Variants in NALF1 observed in about 807,000 individuals in gnomAD.
The protein encoded by NALF1 is family with sequence similarity 155 member A.
Under a neutral mutation model 48.4 loss-of-function variants are expected in NALF1, and 3 were observed. The ratio of observed to expected loss-of-function variants is 0.06; its 90% confidence interval spans 0.03 to 0.16. The LOEUF is 0.16. Among genes scored for constraint, NALF1 ranks in the 10% least tolerant of loss-of-function variants. NALF1 has a pLI of 1.00. For synonymous variants in NALF1, 262 were observed against 245.7 expected (o/e 1.07, Z -0.62); for missense variants, 526 against 571.5 (o/e 0.92, Z 0.81).
At chr13:107,676,438 T>A (rs1881124936) in intron 1 of NALF1, among the ~76,000 whole-genome samples, 2 of 152,104 alleles carry the variant, frequency 1.3e-5, no homozygotes, top group Non-Finnish European at 2.9e-5. Context: ...TATAAAAATA[T>A]GTGGCATATT....
intron 1 of NALF1, among the ~76,000 whole-genome samples, chr13:107,227,003 T>C (rs949554867): frequency 3.3e-5 from 5 of 152,260 alleles, no homozygotes; most frequent in Admixed American, 3.3e-4. Context: ...ATACATATTG[T>C]ATCCAGACAT....
chr13:107,435,789 G>C (rs1417130042), intron 1 of NALF1, among the ~76,000 whole-genome samples: 1 of 151,708 alleles, frequency 6.6e-6, no homozygotes, highest in Non-Finnish European at 1.5e-5. Flanking sequence ...GGGAAGGAAA[G>C]CGGCGGGGGA....
chr13:107,632,101 T>C (rs1879851077), intron 1 of NALF1, among the ~76,000 whole-genome samples: 1 of 152,166 alleles, frequency 6.6e-6, no homozygotes, highest in South Asian at 2.1e-4. Context: ...CATCTTTGCA[T>C]ATGCTATTTA....
At position 107,169,012 on chromosome 13, in the gene NALF1, GC is replaced by G. The variant is rs1169592676; in HGVS notation, c.*1484del. On this transcript the variant is annotated 3_prime_UTR_variant, in exon 3 of 3. Transcript: ENST00000375915. ...TTGTTTGTTTGTTTTTTTAAAAACA[GC>G]CCTTATTAACTCTTCCTTCCACTGA... 1 of 152,324 alleles carries G rather than the reference GC, an allele frequency of 6.6e-6. No homozygotes were observed. Among genetic ancestry groups the G allele is most frequent in the Non-Finnish European group, 1.5e-5 (1 of 67,984 alleles). The allele number at this position is 152,324 out of a possible 1,614,324, so 9.4% of individuals were successfully genotyped here.
intron 1 of NALF1, among the ~76,000 whole-genome samples, chr13:107,651,247 G>C (rs2138467894): frequency 6.6e-6 from 1 of 152,302 alleles, no homozygotes; most frequent in East Asian, 1.9e-4. Context: ...GTCCCGGGCT[G>C]TTTCTGTTCT....
Position 107,496,062 on chromosome 13 carries a change from G to T in NALF1, c.916-285307C>A, listed in dbSNP as rs551060519. 1.3e-4 allele frequency among the ~76,000 whole-genome samples: 20 copies of T among 152,004 alleles called. 1 individual carries two copies. In the South Asian group the frequency reaches 2.7e-3, roughly 21 times the overall value. On this transcript the variant is annotated intron_variant, in intron 1 of 2. Transcript: ENST00000375915. ...GAAATATATGTATATTTTAATTCTG[G>T]TAATATATATTACCAGAAATGGGCA...
chr13:107,453,414 G>C (rs1333359920), intron 1 of NALF1, among the ~76,000 whole-genome samples: 1 of 152,200 alleles, frequency 6.6e-6, no homozygotes, highest in Admixed American at 6.5e-5. Context: ...CAAGGCATGA[G>C]GTTTACAACC....
chr13:107,289,272 T>C (rs1257785735), intron 1 of NALF1, among the ~76,000 whole-genome samples: 3 of 152,180 alleles, frequency 2.0e-5, no homozygotes, highest in African/African-American at 4.8e-5. Flanking sequence ...ACTGACACTA[T>C]GTTGTATATT....
intron 1 of NALF1, among the ~76,000 whole-genome samples, chr13:107,302,255 G>A (rs1341672650): frequency 6.6e-6 from 1 of 152,110 alleles, no homozygotes; most frequent in African/African-American, 2.4e-5. Flanking sequence ...CTGAACCTTG[G>A]ACTTCCCAGC....
chr13:107,413,129 A>G (rs1884020716), intron 1 of NALF1, among the ~76,000 whole-genome samples: 1 of 152,192 alleles, frequency 6.6e-6, no homozygotes, highest in African/African-American at 2.4e-5. Context: ...AATGTAATCA[A>G]GTAATAATCC....
At chr13:107,630,725 T>C (rs1879813412) in intron 1 of NALF1, among the ~76,000 whole-genome samples, 1 of 145,732 alleles carries the variant, frequency 6.9e-6, no homozygotes, top group African/African-American at 2.5e-5. Context: ...CAAAAAGGAG[T>C]TCTGAAATAC....
chr13:107,286,497 A>G (rs758277331), intron 1 of NALF1, among the ~76,000 whole-genome samples: 4 of 148,168 alleles, frequency 2.7e-5, no homozygotes, highest in East Asian at 2.1e-4. Flanking sequence ...TTATCTAGGT[A>G]TGGGTGGCAC....
intron 1 of NALF1, among the ~76,000 whole-genome samples, chr13:107,391,510 C>T (rs1010996602): frequency 1.3e-5 from 2 of 152,174 alleles, no homozygotes; most frequent in African/African-American, 4.8e-5. Flanking sequence ...GTTTTCCTTC[C>T]TTTCTTTCCA....
intron 1 of NALF1, among the ~76,000 whole-genome samples, chr13:107,568,234 GC>G (rs1877875193): frequency 6.6e-6 from 1 of 152,170 alleles, no homozygotes; most frequent in Non-Finnish European, 1.5e-5. Context: ...TCCCACCTTG[GC>G]CTCCCATAAT....
chr13:107,281,638 G>A (rs1594102563), intron 1 of NALF1, among the ~76,000 whole-genome samples: 2 of 152,210 alleles, frequency 1.3e-5, no homozygotes, highest in Non-Finnish European at 2.9e-5. Context: ...TGACTTCTTC[G>A]AACCTGACTG....
intron 1 of NALF1, among the ~76,000 whole-genome samples, chr13:107,370,808 C>T (rs1217256400): frequency 2.0e-5 from 3 of 152,104 alleles, no homozygotes; most frequent in Non-Finnish European, 2.9e-5. Context: ...ATAATCATGG[C>T]GAAAGGGGAT....
chr13:107,541,970 A>G (rs1262887315), intron 1 of NALF1, among the ~76,000 whole-genome samples: 1 of 151,802 alleles, frequency 6.6e-6, no homozygotes, highest in Admixed American at 6.6e-5. Context: ...GCTGACCACA[A>G]CCTCAAGGTC....
chr13:107,203,447 G>C (rs1879564424), intron 2 of NALF1, among the ~76,000 whole-genome samples: 1 of 152,228 alleles, frequency 6.6e-6, no homozygotes, highest in Admixed American at 6.5e-5. Context: ...TCTGAGGGCA[G>C]TGCGCATAGT....
chr13:107,709,151 G>T (rs990408363), intron 1 of NALF1, among the ~76,000 whole-genome samples: 4 of 152,232 alleles, frequency 2.6e-5, no homozygotes, highest in Non-Finnish European at 5.9e-5. Context: ...ATTATAAAAT[G>T]TTAAAAATGA....
Sources: allele counts gnomAD v4.1 joint callset (sites outside exome capture counted in the v4.1 genomes callset), GRCh38; gene constraint gnomAD v4.1.1; transcripts MANE v1.5; gene names NCBI Gene and HGNC (gene_info 2026-07-23, HGNC 2026-07-21).